LHX4: variants seen among roughly 807,000 people sequenced by gnomAD.
LHX4 encodes LIM homeobox 4.
A neutral mutation model predicts 39.2 loss-of-function variants in LHX4; 16 were observed. The observed-to-expected ratio is 0.41, with a 90% CI of 0.28 to 0.62. The LOEUF (loss-of-function observed/expected upper bound fraction) is 0.62. Among genes scored for constraint, LHX4 ranks in the 20% least tolerant of loss-of-function variants. LHX4 has a pLI of 0.33. For synonymous variants in LHX4, 206 were observed against 198.1 expected, an observed-to-expected ratio of 1.04 and a Z score of -0.33; for missense variants, 439 against 511.9, an observed-to-expected ratio of 0.86 and a Z score of 1.37.
intron 1 of LHX4, among the ~76,000 whole-genome samples, chr1:180,245,221 C>T (rs1014033080): frequency 2.6e-5 from 4 of 152,218 alleles, no homozygotes; most frequent in Non-Finnish European, 5.9e-5. Flanking sequence ...GAAACCCGCT[C>T]CCCCTTGCCC....
chr1:180,271,104 C>T, intron 3 of LHX4: 1 of 521,908 alleles, frequency 1.9e-6, no homozygotes, highest in Non-Finnish European at 3.5e-6. Context: ...TCTGATGAGA[C>T]TTCTGTGCAG....
At chr1:180,244,577 C>T (rs1374534260) in intron 1 of LHX4, among the ~76,000 whole-genome samples, 1 of 152,224 alleles carries the variant, frequency 6.6e-6, no homozygotes, top group Non-Finnish European at 1.5e-5. Flanking sequence ...ACTAGATATC[C>T]TGCTCAAAAT....
At position 180,234,193 on chromosome 1, in the gene LHX4, AT is replaced by A. The variant is rs1477060052; in HGVS notation, c.76+3589del. On this transcript the variant is annotated intron_variant, in intron 1 of 5. Coordinates refer to ENST00000263726, the MANE Select transcript of LHX4 (RefSeq NM_033343.4). The surrounding 1 kb of genome is among the most constrained non-coding windows in gnomAD (Gnocchi z 4.8). ...ATTATATATATATATATATATATAT[AT>A]ATATATATATATATATATATATATA... Among the ~76,000 whole-genome samples, 657 of 85,684 alleles carry A rather than the reference AT, an allele frequency of 7.7e-3. 24 individuals are homozygous for A. The highest frequency in any genetic ancestry group is 0.045 in the East Asian group (93 of 2,080). 56.2% of individuals were successfully genotyped at this position (85,684 alleles called of 152,430 possible). A position where few individuals can be genotyped will look rare whatever the true frequency, so the allele number is the denominator to read the frequency against.
chr1:180,267,715 A>G (rs939395683), intron 3 of LHX4, among the ~76,000 whole-genome samples: 4 of 152,132 alleles, frequency 2.6e-5, no homozygotes, highest in African/African-American at 7.2e-5. Flanking sequence ...GCTTGATGAG[A>G]AAAAAAATTA....
At position 180,277,883 on chromosome 1, in the gene LHX4, G is replaced by C. The variant is rs1330409753; in HGVS notation, c.*3304G>C. On this transcript the variant is annotated 3_prime_UTR_variant, in exon 6 of 6. Transcript: ENST00000263726. ...AGTGTCCTTAAACTTTTTTTGGGGGGGGGCAGTGTAAAACATGAAACCTAG... is the reference window on the plus strand; with the variant it reads ...AGTGTCCTTAAACTTTTTTTGGGGGCGGGCAGTGTAAAACATGAAACCTAG... 6.7e-6 allele frequency: 1 copy of C among 149,736 alleles called. No homozygotes were observed. Among genetic ancestry groups the C allele is most frequent in the African/African-American group, 2.4e-5 (1 of 40,884 alleles). 9.3% of individuals were successfully genotyped at this position (149,736 alleles called of 1,614,324 possible).
chr1:180,258,920 C>T (rs1281205370), intron 2 of LHX4, among the ~76,000 whole-genome samples: 1 of 152,052 alleles, frequency 6.6e-6, no homozygotes, highest in Non-Finnish European at 1.5e-5. Flanking sequence ...TTGGCCTGAG[C>T]TGTGGGAAGA....
chr1:180,264,591 T>C (rs1033262382), intron 2 of LHX4, among the ~76,000 whole-genome samples: 3 of 152,322 alleles, frequency 2.0e-5, no homozygotes, highest in Admixed American at 6.5e-5. Context: ...TCTACAAGTA[T>C]GGTGCTTTAT....
chr1:180,265,840 A>T lies in LHX4; in HGVS notation c.249-552A>T, dbSNP rs1444905208. On this transcript the variant is annotated intron_variant, in intron 2 of 5. Transcript: ENST00000263726. ...GGAGAAATGGAGGCAAAGGAGAGAG[A>T]ACAGCTGTCAGGACAGCCTTGCTCT... Among the ~76,000 whole-genome samples, 3 of 152,242 alleles carry T rather than the reference A, an allele frequency of 2.0e-5. No homozygotes were observed. The East Asian group carries it at 5.8e-4, about 29-fold the overall frequency.
intron 1 of LHX4, among the ~76,000 whole-genome samples, chr1:180,240,935 TGAA>T (rs1387713985): frequency 2.6e-5 from 4 of 152,232 alleles, no homozygotes; most frequent in Non-Finnish European, 5.9e-5. Context: ...GCTTCCTCGA[TGAA>T]GAAGGAGATT....
intron 1 of LHX4, among the ~76,000 whole-genome samples, chr1:180,245,801 C>T (rs1647360961): frequency 8.3e-6 from 1 of 120,956 alleles, no homozygotes; most frequent in African/African-American, 3.0e-5. Flanking sequence ...AGTCATTTTT[C>T]CAATTTAAAA....
upstream of LHX4, among the ~76,000 whole-genome samples, chr1:180,230,055 C>A (rs1233096122): frequency 6.6e-6 from 1 of 151,100 alleles, no homozygotes; most frequent in East Asian, 2.0e-4. The surrounding 1 kb of genome is among the most constrained non-coding windows in gnomAD (Gnocchi z 5.8). Context: ...GGCGCCGGGA[C>A]CCCCACTCCC....
At chr1:180,236,148 C>A (rs1328786735) in intron 1 of LHX4, among the ~76,000 whole-genome samples, 1 of 146,972 alleles carries the variant, frequency 6.8e-6, no homozygotes, top group African/African-American at 2.5e-5. Context: ...CGGAGACCGC[C>A]TACAGGGCTG....
At chr1:180,231,251 A>T (rs1664170289) in intron 1 of LHX4, among the ~76,000 whole-genome samples, 1 of 151,772 alleles carries the variant, frequency 6.6e-6, no homozygotes, top group Non-Finnish European at 1.5e-5. Flanking sequence ...AGCGACCGCA[A>T]GTTGTGAATT....
rs1251504663 is a variant in LHX4 at position 180,230,308 on chromosome 1, C to G, written c.-222C>G. ...CTCAACCTGGGATGTGCACCAACCCCGGAGAGCGAGATCAAAGGGACTGGA... is the reference window on the plus strand; with the variant it reads ...CTCAACCTGGGATGTGCACCAACCCGGGAGAGCGAGATCAAAGGGACTGGA... On this transcript the variant is annotated 5_prime_UTR_variant, in exon 1 of 6. Coordinates refer to ENST00000263726, the MANE Select transcript of LHX4 (RefSeq NM_033343.4). The surrounding 1 kb of genome is among the most constrained non-coding windows in gnomAD (Gnocchi z 5.8). 6.6e-6 allele frequency: 4 copies of G among 609,292 alleles called. No individual in the cohort carries two copies. The highest frequency in any genetic ancestry group is 1.2e-5 in the Non-Finnish European group (4 of 340,416). The allele number at this position is 609,292 out of a possible 1,614,324, so 37.7% of individuals were successfully genotyped here.
At chr1:180,240,449 A>G (rs933987204) in intron 1 of LHX4, among the ~76,000 whole-genome samples, 1 of 152,250 alleles carries the variant, frequency 6.6e-6, no homozygotes, top group Non-Finnish European at 1.5e-5. Flanking sequence ...GCCTTTTCTT[A>G]AATATATTTT....
chr1:180,259,674 G>A (rs1433577090), intron 2 of LHX4, among the ~76,000 whole-genome samples: 1 of 151,670 alleles, frequency 6.6e-6, no homozygotes, highest in Non-Finnish European at 1.5e-5. Context: ...TGGCTCTGTG[G>A]ATGCCCGTGC....
At chr1:180,259,127 G>A (rs1327843327) in intron 2 of LHX4, among the ~76,000 whole-genome samples, 1 of 151,978 alleles carries the variant, frequency 6.6e-6, no homozygotes, top group Non-Finnish European at 1.5e-5. Context: ...TGTGGGAGGA[G>A]GAGGAGCAGG....
At chr1:180,258,854 G>T (rs1439093309) in intron 2 of LHX4, among the ~76,000 whole-genome samples, 1 of 151,672 alleles carries the variant, frequency 6.6e-6, no homozygotes, top group Non-Finnish European at 1.5e-5. Flanking sequence ...TTATTATTCT[G>T]AGTAGAGTCA....
At chr1:180,229,973 G>GC (rs1664132734), upstream of LHX4, among the ~76,000 whole-genome samples, 1 of 143,630 alleles carries the variant, frequency 7.0e-6, no homozygotes, top group Admixed American at 6.7e-5. Context: ...GAGGGGGGGG[G>GC]GGTGCCGGCT....
Sources: allele counts gnomAD v4.1 joint callset (sites outside exome capture counted in the v4.1 genomes callset), GRCh38; gene constraint gnomAD v4.1.1; non-coding constraint Gnocchi (gnomAD v3.1); transcripts MANE v1.5; gene names NCBI Gene and HGNC (gene_info 2026-07-23, HGNC 2026-07-21).